Variants in SMYD2 observed in about 807,000 individuals in gnomAD.
SMYD2 encodes N-lysine methyltransferase SMYD2.
Under a neutral mutation model 59.1 loss-of-function variants are expected in SMYD2, and 53 were observed. The ratio of observed to expected loss-of-function variants is 0.90; its 90% CI spans 0.72 to 1.13. The LOEUF (loss-of-function observed/expected upper bound fraction) is 1.13, where lower values mean the gene tolerates loss of function less well. Ranked by LOEUF, SMYD2 falls within the 50% of genes most tolerant of loss-of-function variation. The probability of loss-of-function intolerance (pLI) is 0.00; values close to 1 mark genes in which losing one functional copy is unlikely to be tolerated. For synonymous variants in SMYD2, 208 were observed against 198.8 expected (o/e 1.05, Z -0.39); for missense variants, 494 against 544.7 (o/e 0.91, Z 0.93).
intron 6 of SMYD2, among the ~76,000 whole-genome samples, chr1:214,326,554 C>T (rs1304942292): frequency 6.6e-6 from 1 of 152,142 alleles, no homozygotes; most frequent in African/African-American, 2.4e-5. Flanking sequence ...AGGTGGCCCT[C>T]CCCGAGGTCA....
rs1656898135 is a variant in SMYD2 at position 214,305,252 on chromosome 1, T to C, written c.237+2T>C. ...TTTTACTGCAATGTGGAGTGTCAGGTAGGTGCTGGGCCATTGGCAGGGAGG... is the reference window on the plus strand; with the variant it reads ...TTTTACTGCAATGTGGAGTGTCAGGCAGGTGCTGGGCCATTGGCAGGGAGG... On this transcript the variant is annotated splice_donor_variant, in intron 2 of 11. Coordinates refer to ENST00000366957, the MANE Select transcript of SMYD2 (RefSeq NM_020197.3). LOFTEE classifies it high-confidence loss of function. 1 of 1,613,966 alleles carries C rather than the reference T, an allele frequency of 6.2e-7. No individual in the cohort carries two copies. Among genetic ancestry groups the C allele is most frequent in the South Asian group, 1.1e-5 (1 of 91,082 alleles).
At chr1:214,305,355 A>G in intron 2 of SMYD2, 105 bp downstream of exon 2, 1 of 1,128,132 alleles carries the variant, frequency 8.9e-7, no homozygotes, top group Admixed American at 1.8e-5. Flanking sequence ...GCTGGAAAGC[A>G]TAGGATGTGG....
chr1:214,290,096 C>T (rs959742671), intron 1 of SMYD2, among the ~76,000 whole-genome samples: 2 of 152,298 alleles, frequency 1.3e-5, no homozygotes, highest in African/African-American at 2.4e-5. Context: ...TGCCACCCTC[C>T]GCGGCTTCCT....
chr1:214,321,672 C>T (rs1312289461), intron 5 of SMYD2, among the ~76,000 whole-genome samples: 2 of 152,208 alleles, frequency 1.3e-5, no homozygotes, highest in South Asian at 2.1e-4. Context: ...GTTCTAATCA[C>T]TGGGAACATA....
At chr1:214,292,201 T>G (rs561816530) in intron 1 of SMYD2, among the ~76,000 whole-genome samples, 3 of 152,122 alleles carry the variant, frequency 2.0e-5, no homozygotes, top group Non-Finnish European at 4.4e-5. Flanking sequence ...CGGGGCTTCC[T>G]GATGGACACC....
intron 1 of SMYD2, among the ~76,000 whole-genome samples, chr1:214,281,724 A>G (rs901914237): frequency 6.6e-6 from 1 of 152,164 alleles, no homozygotes; most frequent in African/African-American, 2.4e-5. Flanking sequence ...CTGCCCTCAA[A>G]TGTGGGCTCC....
chr1:214,329,138 T>C (rs1657310068), intron 7 of SMYD2, among the ~76,000 whole-genome samples: 1 of 152,246 alleles, frequency 6.6e-6, no homozygotes, highest in Admixed American at 6.5e-5. Flanking sequence ...CTCCCAGATC[T>C]GAAACGCAGT....
rs1657127135 is a variant in SMYD2, at chr1:214,318,897, C to G, written c.448C>G (p.Gln150Glu). 1.2e-6 allele frequency: 2 copies of G among 1,614,028 alleles called. No individual in the cohort carries two copies. Among genetic ancestry groups the G allele is most frequent in the South Asian group, 2.2e-5 (2 of 91,080 alleles). The change falls in exon 5 of 12, where the codon CAG (glutamine) becomes GAG (glutamate). Residue 150 changes from glutamine to glutamate, a missense_variant. By Grantham distance (29) the Gln-to-Glu change is conservative. Transcript: ENST00000366957. The surrounding 1 kb of genome is among the most constrained non-coding windows in gnomAD (Gnocchi z 5.4). ...AGACAATGAGAAGAAGGATTTGATT[C>G]AGAGTGACATAGCTGCTCTCCATCA... Reference protein sequence around the residue: ...KLDNEKKDLIQSDIAALHHFY... With the variant: ...KLDNEKKDLIESDIAALHHFY...
intron 1 of SMYD2, among the ~76,000 whole-genome samples, chr1:214,303,204 A>G (rs1008988092): frequency 1.3e-5 from 2 of 152,106 alleles, no homozygotes; most frequent in Non-Finnish European, 2.9e-5. Flanking sequence ...AAAGGGTAGC[A>G]TCTCCCACCG....
At chr1:214,287,036 C>T (rs1656559704) in intron 1 of SMYD2, among the ~76,000 whole-genome samples, 1 of 151,664 alleles carries the variant, frequency 6.6e-6, no homozygotes, top group Non-Finnish European at 1.5e-5. Context: ...ACCATGTTGG[C>T]CAGGCTGGTC....
chr1:214,296,009 A>G (rs1053799939), intron 1 of SMYD2, among the ~76,000 whole-genome samples: 5 of 152,208 alleles, frequency 3.3e-5, no homozygotes, highest in African/African-American at 1.2e-4. Flanking sequence ...CCTCTGTTCA[A>G]CAGAGCATAC....
chr1:214,326,618 T>C (rs1411818777), intron 6 of SMYD2, among the ~76,000 whole-genome samples: 1 of 152,192 alleles, frequency 6.6e-6, no homozygotes, highest in Non-Finnish European at 1.5e-5. Context: ...CCACATACTT[T>C]GCTTAGGCCT....
chr1:214,320,677 C>T (rs1271195739), intron 5 of SMYD2, among the ~76,000 whole-genome samples: 1 of 152,160 alleles, frequency 6.6e-6, no homozygotes, highest in Non-Finnish European at 1.5e-5. Flanking sequence ...AGCTTCCCCC[C>T]AACTGTGAAC....
chr1:214,336,925 C>T lies in SMYD2; in HGVS notation c.*141C>T. The T allele has an allele frequency of 1.5e-6, 1 of 649,106 alleles. No individual in the cohort carries two copies. Among genetic ancestry groups the T allele is most frequent in the Non-Finnish European group, 2.5e-6 (1 of 405,656 alleles). The allele number at this position is 649,106 out of a possible 1,614,324, so 40.2% of individuals were successfully genotyped here. ...ATACTTCTTGCACTTAAACACTGCA[C>T]ATGCCGTACTTTGAGGTTAGTCTGA... On this transcript the variant is annotated 3_prime_UTR_variant, in exon 12 of 12. Transcript: ENST00000366957.
chr1:214,327,020 G>A (rs1184996312), intron 6 of SMYD2, among the ~76,000 whole-genome samples: 1 of 152,242 alleles, frequency 6.6e-6, no homozygotes, highest in East Asian at 1.9e-4. Context: ...TCGCATAGGC[G>A]AATCTCTCTC....
chr1:214,305,129 A>G (rs1171441351), intron 1 of SMYD2, 58 bp from the exon 2 acceptor site: 4 of 1,538,702 alleles, frequency 2.6e-6, no homozygotes, highest in Non-Finnish European at 3.6e-6. Flanking sequence ...GCATGATAAA[A>G]TGTACAGCTT....
chr1:214,303,720 C>T (rs763129871), intron 1 of SMYD2, among the ~76,000 whole-genome samples: 3 of 152,180 alleles, frequency 2.0e-5, no homozygotes, highest in Middle Eastern at 3.2e-3. Context: ...CACTTGCTGA[C>T]GAGAAGCCGC....
intron 2 of SMYD2, among the ~76,000 whole-genome samples, chr1:214,309,203 G>A (rs765401512): frequency 6.6e-6 from 1 of 152,224 alleles, no homozygotes; most frequent in Non-Finnish European, 1.5e-5. Flanking sequence ...GATGGTGCCA[G>A]AGGAAAGATT....
At chr1:214,304,580 A>AAAAAAAAAAAAC (rs1284865678) in intron 1 of SMYD2, among the ~76,000 whole-genome samples, 1 of 151,514 alleles carries the variant, frequency 6.6e-6, no homozygotes, top group African/African-American at 2.4e-5. Flanking sequence ...AAAAAAAAAA[A>AAAAAAAAAAAAC]AAGCATCTAT....
Sources: gnomAD v4.1 joint callset for allele counts (sites outside exome capture counted in the v4.1 genomes callset) on GRCh38, gnomAD v4.1.1 for gene constraint, Gnocchi (gnomAD v3.1) non-coding constraint, MANE v1.5 for transcripts, NCBI Gene and HGNC (gene_info 2026-07-23, HGNC 2026-07-21) for gene names.